The following KRT4 variants were observed in gnomAD, a reference collection of about 807,000 sequenced individuals.
KRT4 encodes the protein keratin, type II cytoskeletal 4.
KRT4 carries 47 observed loss-of-function variants against 50.6 expected under a neutral mutation model. The observed-to-expected ratio is 0.93, with a 90% CI of 0.73 to 1.18. The LOEUF is 1.18. Among genes scored for constraint, KRT4 ranks in the 50% most tolerant of loss-of-function variants. KRT4 has a pLI of 0.00. For missense variants in KRT4, 651 were observed against 645.7 expected, an observed-to-expected ratio of 1.01 and a Z score of -0.09; for synonymous variants, 254 against 251.2, an observed-to-expected ratio of 1.01 and a Z score of -0.10.
chr12:52,807,390 C>A lies in KRT4; in HGVS notation c.1350G>T (p.Met450Ile). 4.3e-6 allele frequency: 7 copies of A among 1,614,214 alleles called. No individual in the cohort carries two copies. Among genetic ancestry groups the A allele is most frequent in the Non-Finnish European group, 5.1e-6 (6 of 1,180,034 alleles). ...RKLLEGEEYR[M>I]SGECQSAVSI... Reference sequence around the variant, plus strand: ...TCACGGCACTCTGGCATTCTCCAGACATTCTGTAGGGGAAAGAAAAGGCGG... The same window carrying A: ...TCACGGCACTCTGGCATTCTCCAGAAATTCTGTAGGGGAAAGAAAAGGCGG... Residue 450 changes from methionine to isoleucine, a missense_variant, in exon 8 of 9, where the codon ATG becomes ATT. Coordinates refer to ENST00000551956, the MANE Select transcript of KRT4 (RefSeq NM_002272.4).
intron 3 of KRT4, among the ~76,000 whole-genome samples, chr12:52,810,530 AG>A (rs1939891133): frequency 6.6e-6 from 1 of 152,110 alleles, no homozygotes; most frequent in Non-Finnish European, 1.5e-5. Context: ...CTGGGCAAAA[AG>A]AGTGAAGCTC....
At chr12:52,807,531 G>T (rs987706820) in intron 7 of KRT4, 113 bp downstream of exon 7, 64 of 1,485,616 alleles carry the variant, frequency 4.3e-5, no homozygotes, top group Non-Finnish European at 5.7e-5. Flanking sequence ...GAGCTGTCCT[G>T]GTTCGTAATG....
chr12:52,808,937 A>C (rs1046047828), intron 4 of KRT4, 87 bp from the exon 5 acceptor site: 2 of 1,418,140 alleles, frequency 1.4e-6, no homozygotes, highest in African/African-American at 2.8e-5. Flanking sequence ...GCTGGCATTC[A>C]CAATGTGTAG....
intron 1 of KRT4, 49 bp downstream of exon 1, chr12:52,813,548 A>C: frequency 6.5e-7 from 1 of 1,528,796 alleles, no homozygotes; most frequent in East Asian, 2.2e-5. Context: ...CCCAGGACTC[A>C]GGACCCCTCT....
At position 52,813,923 on chromosome 12, in the gene KRT4, C is replaced by T. The variant is rs1294012289; in HGVS notation, c.136G>A (p.Gly46Arg). The part of the protein sequence containing the change: ...SGGAGRCSSG[G>R]FGSRSLYNLR... ...TTGTAGAGGCTTCTGCTGCCAAATC[C>T]CCCAGAAGAGCATCGGCCAGCACCT... Residue 46 changes from glycine to arginine, a missense_variant, in exon 1 of 9, where the codon GGA (glycine) becomes AGA (arginine). Physicochemically the swap from Gly to Arg is moderately radical, Grantham distance 125. Transcript: ENST00000551956. 2.1e-6 allele frequency: 3 copies of T among 1,405,594 alleles called. No homozygotes were observed. Among genetic ancestry groups the T allele is most frequent in the Non-Finnish European group, 2.8e-6 (3 of 1,068,208 alleles). The allele number at this position is 1,405,594 out of a possible 1,614,324, so 87.1% of individuals were successfully genotyped here.
intron 5 of KRT4, 114 bp downstream of exon 5, chr12:52,808,572 G>C (rs965762767): frequency 6.8e-7 from 1 of 1,475,424 alleles, no homozygotes; most frequent in African/African-American, 1.4e-5. Flanking sequence ...ATGCCTGGGA[G>C]AGTCTGTTCA....
intron 4 of KRT4, 172 bp downstream of exon 4, chr12:52,809,211 A>C (rs1423579914): frequency 1.2e-5 from 8 of 690,046 alleles, no homozygotes; most frequent in South Asian, 3.2e-5. Flanking sequence ...GGTTCTAAGA[A>C]TCTCCCAGTT....
chr12:52,813,582 G>A lies in KRT4; in HGVS notation c.462+15C>T, dbSNP rs200689734. The A allele has an allele frequency of 1.6e-5, 25 of 1,611,144 alleles. No individual in the cohort carries two copies. The highest frequency in any genetic ancestry group is 8.9e-5 in the East Asian group (4 of 44,858). Reference sequence around the variant, plus strand: ...CTCTTCTAACTGCCCCTCTCCAGCCGAGGACACAGCTCACCTTGTCGATGA... The same window carrying A: ...CTCTTCTAACTGCCCCTCTCCAGCCAAGGACACAGCTCACCTTGTCGATGA... On this transcript the variant is annotated intron_variant, in intron 1 of 8. Coordinates refer to ENST00000551956, the MANE Select transcript of KRT4 (RefSeq NM_002272.4).
rs995213370 is a variant in KRT4 at position 52,807,455 on chromosome 12, C to A, written c.1347-62G>T. 7 of 1,579,080 alleles carry A rather than the reference C, an allele frequency of 4.4e-6. No homozygotes were observed. In the African/African-American group the frequency reaches 5.4e-5, roughly 12 times the overall value. On this transcript the variant is annotated intron_variant, in intron 7 of 8. Coordinates refer to ENST00000551956, the MANE Select transcript of KRT4 (RefSeq NM_002272.4). ...CACAGAATTTTGTTCAATAAGCATG[C>A]CTCACTCACCTCTCTTATCCTTGAG...
Position 52,813,750 on chromosome 12 carries a change from G to A in KRT4, c.309C>T (p.Val103=), listed in dbSNP as rs1939954312. The A allele has an allele frequency of 2.0e-6, 2 of 1,013,440 alleles. No homozygotes were observed. The highest frequency in any genetic ancestry group is 2.4e-6 in the Non-Finnish European group (2 of 845,872). The allele number at this position is 1,013,440 out of a possible 1,614,324, so 62.8% of individuals were successfully genotyped here. ...CCTCCTGAATTCCCCCAGCGGGGCA[G>A]ACGGGGAAGCCAGGGCCACCCTTAC... ...FSGKGGPGFP[V]CPAGGIQEVT... The change falls in exon 1 of 9, where the codon GTC becomes GTT. Residue 103 remains valine, a synonymous_variant. Transcript: ENST00000551956.
At chr12:52,811,376 A>G (rs1939907196) in intron 2 of KRT4, 2 of 268,932 alleles carry the variant, frequency 7.4e-6, no homozygotes, top group Middle Eastern at 1.4e-3. Context: ...GATGAATAAA[A>G]CTGAAGCTCA....
Position 52,814,035 on chromosome 12 carries a change from G to T in KRT4, c.24C>A (p.Val8=). The T allele has an allele frequency of 2.5e-6, 4 of 1,613,884 alleles. No homozygotes were observed. Among genetic ancestry groups the T allele is most frequent in the Non-Finnish European group, 3.4e-6 (4 of 1,179,852 alleles). ...AGCTGAAGCCCCGGGGCCCGCCTCG[G>T]ACACACTGCTGTCTGGCAATCATGG... MIARQQC[V]RGGPRGFSCG... The change falls in exon 1 of 9, where the codon GTC becomes GTA. Residue 8 remains valine (V), a synonymous_variant. Transcript: ENST00000551956.
rs550823680 is a variant in KRT4, at chr12:52,807,921, C to T, written c.1126-57G>A. The T allele has an allele frequency of 2.8e-5, 41 of 1,440,992 alleles. 1 individual carries two copies. The South Asian group carries it at 3.3e-4, about 12-fold the overall frequency. 89.3% of individuals were successfully genotyped at this position (1,440,992 alleles called of 1,614,324 possible). Reference sequence around the variant, plus strand: ...CAGTGCCCTGCCTTCAAGGCCTCTACACCTGTCCCCTCCCCTGGTCCAGCT... The same window carrying T: ...CAGTGCCCTGCCTTCAAGGCCTCTATACCTGTCCCCTCCCCTGGTCCAGCT... On this transcript the variant is annotated intron_variant, in intron 6 of 8. Transcript: ENST00000551956.
At chr12:52,811,193 A>T (rs1332399583) in intron 2 of KRT4, among the ~76,000 whole-genome samples, 1 of 152,220 alleles carries the variant, frequency 6.6e-6, no homozygotes, top group Non-Finnish European at 1.5e-5. Context: ...GTGAATTGAG[A>T]GACAGGGTTG....
intron 6 of KRT4, among the ~76,000 whole-genome samples, 190 bp from the exon 7 acceptor site, chr12:52,808,054 T>C (rs1042154995): frequency 2.6e-5 from 4 of 152,054 alleles, no homozygotes; most frequent in African/African-American, 9.7e-5. Context: ...ACCAGACTGA[T>C]TAAATAAAAA....
At chr12:52,808,184 G>C in intron 6 of KRT4, 110 bp downstream of exon 6, 1 of 1,416,150 alleles carries the variant, frequency 7.1e-7, no homozygotes, top group Middle Eastern at 2.4e-4. Context: ...TGAATTCCCA[G>C]CAACAAGCTC....
At chr12:52,809,932 A>G (rs1169474515) in intron 3 of KRT4, among the ~76,000 whole-genome samples, 2 of 152,180 alleles carry the variant, frequency 1.3e-5, no homozygotes, top group African/African-American at 4.8e-5. Flanking sequence ...TAAAAAGAGA[A>G]TGAAATTATG....
In KRT4 at chr12:52,806,730, T is replaced by C. The variant is rs1036866339; in HGVS notation, c.*339A>G. ...ATACAGGATCTAGTGGGAGATGGCA[T>C]TGGACTGGGAAGGGACATATGTGAC... On this transcript the variant is annotated 3_prime_UTR_variant, in exon 9 of 9. Transcript: ENST00000551956. 2 of 389,828 alleles carry C rather than the reference T, an allele frequency of 5.1e-6. No homozygotes were observed. Among genetic ancestry groups the C allele is most frequent in the African/African-American group, 2.1e-5 (1 of 48,508 alleles). 24.1% of individuals were successfully genotyped at this position (389,828 alleles called of 1,614,324 possible).
Position 52,806,881 on chromosome 12 carries a change from C to T in KRT4, c.*188G>A. ...CCCAAATCAAGAAGTAGCTACCAAA[C>T]TCCAAGAGGCAGAGTCCCTGTCCCA... On this transcript the variant is annotated 3_prime_UTR_variant, in exon 9 of 9. Coordinates refer to ENST00000551956, the MANE Select transcript of KRT4 (RefSeq NM_002272.4). The T allele has an allele frequency of 2.9e-6, 2 of 690,572 alleles. No individual in the cohort carries two copies. Among genetic ancestry groups the T allele is most frequent in the Non-Finnish European group, 5.0e-6 (2 of 397,084 alleles). The allele number at this position is 690,572 out of a possible 1,614,324, so 42.8% of individuals were successfully genotyped here. A position where few individuals can be genotyped will look rare whatever the true frequency, so the allele number is the denominator to read the frequency against.
Sources: gnomAD v4.1 joint callset for allele counts (sites outside exome capture counted in the v4.1 genomes callset) on GRCh38, gnomAD v4.1.1 for gene constraint, MANE v1.5 for transcripts, NCBI Gene and HGNC (gene_info 2026-07-23, HGNC 2026-07-21) for gene names.